Variants in FHL5 observed in about 807,000 individuals in gnomAD.
The protein encoded by FHL5 is four and a half LIM domains protein 5.
A neutral mutation model predicts 32.0 loss-of-function variants in FHL5; 33 were observed. That is an observed-to-expected ratio of 1.03 (90% CI 0.78 to 1.38). The LOEUF is 1.38. Ranked by LOEUF, FHL5 falls within the 40% of genes most tolerant of loss-of-function variation. The pLI, the probability that FHL5 is intolerant of heterozygous loss-of-function variation, is 0.00. For missense variants in FHL5, 336 were observed against 343.9 expected (o/e 0.98, Z 0.18); for synonymous variants, 114 against 113.6 (o/e 1.00, Z -0.02).
chr6:96,569,971 C>CT (rs1294776391), intron 1 of FHL5, among the ~76,000 whole-genome samples: 1 of 151,412 alleles, frequency 6.6e-6, no homozygotes, highest in Non-Finnish European at 1.5e-5. Context: ...TCTTTTGTTC[C>CT]TTTCTTTTTC....
At chr6:96,606,154 C>T in intron 4 of FHL5, 83 bp downstream of exon 4, 3 of 1,166,594 alleles carry the variant, frequency 2.6e-6, no homozygotes, top group Non-Finnish European at 3.7e-6. Context: ...TGAACTGATA[C>T]TATTATGTTA....
chr6:96,614,221 A>G (rs1771469864), intron 5 of FHL5, among the ~76,000 whole-genome samples: 1 of 150,336 alleles, frequency 6.7e-6, no homozygotes, highest in Non-Finnish European at 1.5e-5. Flanking sequence ...ACTCATGAGC[A>G]TCAAAATGCT....
intron 1 of FHL5, among the ~76,000 whole-genome samples, chr6:96,593,195 T>C (rs1770958820): frequency 6.6e-6 from 1 of 152,148 alleles, no homozygotes; most frequent in Admixed American, 6.6e-5. Context: ...TTTTCATTGT[T>C]TTTAATTCTC....
chr6:96,615,060 G>C (rs75894586), intron 5 of FHL5, among the ~76,000 whole-genome samples: 1 of 152,204 alleles, frequency 6.6e-6, no homozygotes, highest in African/African-American at 2.4e-5. Context: ...GTCCCAAACC[G>C]TATAACCCCA....
At chr6:96,581,688 A>T (rs988084823) in intron 1 of FHL5, among the ~76,000 whole-genome samples, 31 of 152,332 alleles carry the variant, frequency 2.0e-4, no homozygotes, top group South Asian at 8.3e-4. Context: ...TGAATCAATG[A>T]GGGGCCTCTC....
At position 96,618,366 on chromosome 6, in the gene FHL5, C is replaced by T. The variant is rs6921291; in HGVS notation, c.*2594C>T. 0.16 allele frequency among the ~76,000 whole-genome samples: 23,650 copies of T among 151,756 alleles called. 2,015 individuals are homozygous for T. The highest frequency in any genetic ancestry group is 0.25 in the Middle Eastern group (74 of 294). On this transcript the variant is annotated 3_prime_UTR_variant, in exon 6 of 6. Coordinates refer to ENST00000450218, the MANE Select transcript of FHL5 (RefSeq NM_001322466.2). ...ATGGCTTGGAAGTAGCAGAGACTGC[C>T]GAAGAGCAGGAGAAAATAAGATTGC... is the stretch of plus-strand genomic sequence containing the variant.
chr6:96,599,470 C>T (rs111270500), intron 1 of FHL5, among the ~76,000 whole-genome samples: 24 of 152,216 alleles, frequency 1.6e-4, no homozygotes, highest in South Asian at 4.1e-4. Flanking sequence ...GCTGGGATTA[C>T]GGGCGTGAGC....
intron 1 of FHL5, among the ~76,000 whole-genome samples, chr6:96,572,596 A>T (rs78284814): frequency 1.3e-5 from 2 of 152,316 alleles, no homozygotes; most frequent in African/African-American, 4.8e-5. Context: ...TGCCATAGCC[A>T]ATAGTCACAT....
At chr6:96,613,132 TATG>T (rs1395857206) in intron 5 of FHL5, among the ~76,000 whole-genome samples, 1 of 152,212 alleles carries the variant, frequency 6.6e-6, no homozygotes, top group East Asian at 1.9e-4. Context: ...CAAAAAAGCA[TATG>T]ATAAGGTAAT....
chr6:96,596,977 C>T (rs1434822035), intron 1 of FHL5, among the ~76,000 whole-genome samples: 1 of 152,042 alleles, frequency 6.6e-6, no homozygotes, highest in Non-Finnish European at 1.5e-5. Flanking sequence ...CCTACTGCAT[C>T]TTGCTCCCAC....
intron 1 of FHL5, among the ~76,000 whole-genome samples, chr6:96,573,200 T>TA (rs1312773816): frequency 2.0e-5 from 3 of 152,208 alleles, no homozygotes; most frequent in Non-Finnish European, 4.4e-5. Flanking sequence ...CAATTTTCTT[T>TA]ATATCATGAA....
intron 1 of FHL5, 121 bp from the exon 2 acceptor site, chr6:96,603,481 T>C (rs1771198890): frequency 1.4e-6 from 1 of 709,888 alleles, no homozygotes; most frequent in East Asian, 2.9e-5. Context: ...AATTGGGGGA[T>C]TTTTGCTTAA....
chr6:96,579,703 T>A (rs1770659132), intron 1 of FHL5, among the ~76,000 whole-genome samples: 1 of 152,166 alleles, frequency 6.6e-6, no homozygotes, highest in African/African-American at 2.4e-5. Flanking sequence ...GTCATGAAAA[T>A]TGTCAACTGG....
intron 1 of FHL5, among the ~76,000 whole-genome samples, chr6:96,587,284 G>A (rs963909063): frequency 6.6e-6 from 1 of 152,096 alleles, no homozygotes; most frequent in African/African-American, 2.4e-5. Context: ...AAAATTATTA[G>A]GCAACCATTT....
At chr6:96,581,606 C>A (rs573627435) in intron 1 of FHL5, among the ~76,000 whole-genome samples, 2 of 152,090 alleles carry the variant, frequency 1.3e-5, no homozygotes, top group Non-Finnish European at 2.9e-5. Context: ...CTTGCACTTG[C>A]CATTTCATGC....
chr6:96,594,230 TATATA>T (rs1770982760), intron 1 of FHL5, among the ~76,000 whole-genome samples: 3 of 9,360 alleles, frequency 3.2e-4, no homozygotes, highest in Admixed American at 8.9e-4. Flanking sequence ...TTAGAATTTA[TATATA>T]TATATATATA....
intron 1 of FHL5, among the ~76,000 whole-genome samples, chr6:96,579,361 C>T (rs961124067): frequency 6.6e-6 from 1 of 152,110 alleles, no homozygotes; most frequent in African/African-American, 2.4e-5. Context: ...ATTATATATA[C>T]AACAAATTTA....
chr6:96,565,847 A>C (rs1770345578), intron 1 of FHL5, among the ~76,000 whole-genome samples: 1 of 151,988 alleles, frequency 6.6e-6, no homozygotes, highest in African/African-American at 2.4e-5. Flanking sequence ...TTTCTTCTTA[A>C]ATTTTTTCTT....
chr6:96,577,056 G>A (rs537508613), intron 1 of FHL5, among the ~76,000 whole-genome samples: 2 of 152,084 alleles, frequency 1.3e-5, no homozygotes, highest in Admixed American at 6.5e-5. Flanking sequence ...ATTTTCCTTT[G>A]ATGGATGCTG....
Sources: gnomAD v4.1 joint callset for allele counts (sites outside exome capture counted in the v4.1 genomes callset) on GRCh38, gnomAD v4.1.1 for gene constraint, MANE v1.5 for transcripts, NCBI Gene and HGNC (gene_info 2026-07-23, HGNC 2026-07-21) for gene names.